The following SCML4 variants were observed in gnomAD, a reference collection of about 807,000 sequenced individuals.
SCML4 encodes the protein Scm polycomb group protein like 4.
SCML4 carries 34 observed loss-of-function variants against 41.1 expected under a neutral mutation model. That is an observed-to-expected ratio of 0.83 (90% CI 0.63 to 1.10). The LOEUF (loss-of-function observed/expected upper bound fraction) is 1.10, where lower values mean the gene tolerates loss of function less well. Ranked by LOEUF, SCML4 falls within the 50% of genes least tolerant of loss-of-function variation. SCML4 has a pLI of 0.00. For synonymous variants in SCML4, 214 were observed against 220.9 expected (o/e 0.97, Z 0.28); for missense variants, 522 against 534.1 (o/e 0.98, Z 0.22).
At chr6:107,733,912 A>G (rs372689037) in intron 5 of SCML4, among the ~76,000 whole-genome samples, 9 of 152,304 alleles carry the variant, frequency 5.9e-5, no homozygotes, top group East Asian at 5.8e-4. Context: ...AGACACAACT[A>G]TTTGATAGAG....
At chr6:107,786,200 C>G (rs1781883679) in intron 1 of SCML4, among the ~76,000 whole-genome samples, 1 of 152,168 alleles carries the variant, frequency 6.6e-6, no homozygotes, top group East Asian at 1.9e-4. Context: ...CAGCAGGTCT[C>G]AGAAGCTTCT....
Position 107,722,876 on chromosome 6 carries a change from A to G in SCML4, c.683-1883T>C, listed in dbSNP as rs1399955663. Among the ~76,000 whole-genome samples, 6 of 152,240 alleles carry G rather than the reference A, an allele frequency of 3.9e-5. No individual in the cohort carries two copies. The East Asian group carries it at 1.2e-3, about 29-fold the overall frequency. ...CAAATGAATAACCTAATCTTCTATC[A>G]TAAGACACTGGAAAAAAAAGCAAAG... On this transcript the variant is annotated intron_variant, in intron 5 of 7. Transcript: ENST00000369020.
intron 2 of SCML4, among the ~76,000 whole-genome samples, chr6:107,754,925 A>G (rs1354627398): frequency 6.6e-6 from 1 of 152,128 alleles, no homozygotes; most frequent in Admixed American, 6.5e-5. Flanking sequence ...CAACATAGTG[A>G]TATCTCTTTT....
intron 2 of SCML4, among the ~76,000 whole-genome samples, chr6:107,752,326 T>C (rs917969217): frequency 1.6e-4 from 24 of 151,946 alleles, no homozygotes; most frequent in African/African-American, 5.8e-4. Context: ...GAGATATTAC[T>C]AGGCAGTTGC....
At chr6:107,708,158 G>T in intron 6 of SCML4, 147 bp from the exon 7 acceptor site, 1 of 909,434 alleles carries the variant, frequency 1.1e-6, no homozygotes, top group Non-Finnish European at 1.6e-6. Flanking sequence ...CCTGTCATAG[G>T]GAAAGGCTGT....
At chr6:107,823,498 T>G (rs993294490) in intron 1 of SCML4, among the ~76,000 whole-genome samples, 8 of 152,082 alleles carry the variant, frequency 5.3e-5, no homozygotes, top group African/African-American at 1.9e-4. Flanking sequence ...AGTCACCAGT[T>G]TTTTTCCCAA....
At chr6:107,723,493 A>G (rs1420186849) in intron 5 of SCML4, among the ~76,000 whole-genome samples, 1 of 152,230 alleles carries the variant, frequency 6.6e-6, no homozygotes, top group African/African-American at 2.4e-5. Flanking sequence ...AGTGAAAAAA[A>G]TCATTGTCAA....
chr6:107,821,611 CAG>C (rs1345086939), intron 1 of SCML4, among the ~76,000 whole-genome samples: 1 of 152,156 alleles, frequency 6.6e-6, no homozygotes, highest in African/African-American at 2.4e-5. Flanking sequence ...TCTGAGGGCT[CAG>C]GGGAAGAATG....
chr6:107,830,952 G>A, the SCML4 span, among the ~76,000 whole-genome samples: 5 of 152,140 alleles, frequency 3.3e-5, no homozygotes, highest in African/African-American at 1.2e-4. Flanking sequence ...AACAAACCCA[G>A]TGTACCCTCA....
intron 1 of SCML4, among the ~76,000 whole-genome samples, chr6:107,816,920 C>G (rs1420007995): frequency 1.3e-5 from 2 of 152,202 alleles, no homozygotes; most frequent in African/African-American, 4.8e-5. Flanking sequence ...AATCTGCACT[C>G]TCAGGGATGA....
At chr6:107,754,671 A>C (rs1778958535) in intron 2 of SCML4, among the ~76,000 whole-genome samples, 1 of 152,222 alleles carries the variant, frequency 6.6e-6, no homozygotes, top group African/African-American at 2.4e-5. Context: ...CTTGTCTTTA[A>C]GCAAATCACA....
intron 2 of SCML4, among the ~76,000 whole-genome samples, chr6:107,759,183 T>C (rs1210496749): frequency 6.9e-6 from 1 of 144,060 alleles, no homozygotes; most frequent in African/African-American, 2.6e-5. Flanking sequence ...AAAAAAAAAC[T>C]GGCTGGGTGT....
Position 107,816,203 on chromosome 6 carries a change from C to T in SCML4, c.-60+7923G>A, listed in dbSNP as rs1322080947. On this transcript the variant is annotated intron_variant, in intron 1 of 7. Transcript: ENST00000369020. ...GTAAAAGTAGCCCCTCCTGTATTGA[C>T]TTCCTGTGTGGATCAAACACGATAA... Among the ~76,000 whole-genome samples the T allele has an allele frequency of 2.6e-5, 4 of 152,244 alleles. No homozygotes were observed. In the South Asian group the frequency reaches 8.3e-4, roughly 31 times the overall value.
At chr6:107,765,936 A>G (rs150712852) in intron 2 of SCML4, among the ~76,000 whole-genome samples, 3 of 152,368 alleles carry the variant, frequency 2.0e-5, no homozygotes, top group African/African-American at 7.2e-5. Context: ...TGTCATGTCT[A>G]TAGCTGTTAC....
the SCML4 span, among the ~76,000 whole-genome samples, chr6:107,834,045 T>C: frequency 6.6e-5 from 10 of 152,134 alleles, no homozygotes; most frequent in Non-Finnish European, 1.5e-4. Context: ...GAAACGGGAA[T>C]AAAAGCAACA....
chr6:107,721,390 T>G (rs956686925), intron 5 of SCML4, among the ~76,000 whole-genome samples: 4 of 151,748 alleles, frequency 2.6e-5, no homozygotes, highest in African/African-American at 9.7e-5. Flanking sequence ...ATGATGAAAC[T>G]CCATCTCTAC....
the SCML4 span, among the ~76,000 whole-genome samples, chr6:107,839,800 C>A: frequency 1.3e-5 from 2 of 152,124 alleles, no homozygotes; most frequent in Non-Finnish European, 2.9e-5. Context: ...CTATGCTGCC[C>A]AGGCTTGTCT....
chr6:107,733,682 G>A (rs1776775560), intron 5 of SCML4, among the ~76,000 whole-genome samples: 1 of 152,210 alleles, frequency 6.6e-6, no homozygotes. Context: ...ACCTGTGCAG[G>A]TCCTGGAGGC....
Position 107,735,152 on chromosome 6 carries a change from AGGC to A in SCML4, c.682+9794_682+9796del, listed in dbSNP as rs1468258725. 2.0e-5 allele frequency among the ~76,000 whole-genome samples: 3 copies of A among 152,332 alleles called. No individual in the cohort carries two copies. The East Asian group carries it at 5.8e-4, about 29-fold the overall frequency. On this transcript the variant is annotated intron_variant, in intron 5 of 7. Coordinates refer to ENST00000369020, the MANE Select transcript of SCML4 (RefSeq NM_198081.5). The stretch of plus-strand genomic sequence containing the variant: ...CGGCCTCCCAAAGTGCTGGGATTAC[AGGC>A]GTGAGCCACCGAGCTCAGCCTCTTT...
Sources: allele counts gnomAD v4.1 joint callset (sites outside exome capture counted in the v4.1 genomes callset), GRCh38; gene constraint gnomAD v4.1.1; transcripts MANE v1.5; gene names NCBI Gene and HGNC (gene_info 2026-07-23, HGNC 2026-07-21).